Variants in SRRM4 observed in about 807,000 individuals in gnomAD.
SRRM4 encodes the protein serine/arginine repetitive matrix protein 4.
SRRM4 carries 33 observed loss-of-function variants against 68.9 expected under a neutral mutation model. The observed-to-expected ratio is 0.48, with a 90% CI of 0.36 to 0.64. The LOEUF is 0.64. Ranked by LOEUF, SRRM4 falls within the 30% of genes least tolerant of loss-of-function variation. SRRM4 has a pLI of 0.00. For synonymous variants in SRRM4, 318 were observed against 318.8 expected, an observed-to-expected ratio of 1.00 and a Z score of 0.03; for missense variants, 817 against 827.1, an observed-to-expected ratio of 0.99 and a Z score of 0.15.
intron 9 of SRRM4, among the ~76,000 whole-genome samples, chr12:119,150,279 C>G (rs1441401012): frequency 2.0e-5 from 3 of 152,140 alleles, no homozygotes; most frequent in African/African-American, 7.2e-5. Flanking sequence ...TGAGACCAGT[C>G]TGGCCAACAT....
chr12:119,130,941 C>G, intron 8 of SRRM4, 107 bp downstream of exon 8: 1 of 1,154,362 alleles, frequency 8.7e-7, no homozygotes, highest in Non-Finnish European at 1.2e-6. Context: ...CAATTTCTGA[C>G]AAAATATCCC....
chr12:118,986,160 G>C (rs1953280806), intron 1 of SRRM4, among the ~76,000 whole-genome samples: 1 of 152,160 alleles, frequency 6.6e-6, no homozygotes, highest in African/African-American at 2.4e-5. Flanking sequence ...TCGGTGCCAA[G>C]AGATCAGTTA....
chr12:119,015,660 C>T (rs1036722246), intron 1 of SRRM4, among the ~76,000 whole-genome samples: 43 of 151,988 alleles, frequency 2.8e-4, no homozygotes, highest in African/African-American at 1.0e-3. Flanking sequence ...TGTATAGATG[C>T]ATCATTTATT....
At chr12:119,089,588 C>A (rs1046356316) in intron 1 of SRRM4, among the ~76,000 whole-genome samples, 1 of 152,238 alleles carries the variant, frequency 6.6e-6, no homozygotes, top group Admixed American at 6.5e-5. Context: ...ATGGAGCCTA[C>A]GGAATAAGCC....
chr12:119,072,134 A>G (rs1487370181), intron 1 of SRRM4, among the ~76,000 whole-genome samples: 9 of 152,232 alleles, frequency 5.9e-5, no homozygotes, highest in African/African-American at 2.2e-4. Flanking sequence ...ACAAAAGGAG[A>G]TAATGCCTTT....
chr12:119,076,733 A>G (rs71452684), intron 1 of SRRM4, among the ~76,000 whole-genome samples: 3,732 of 152,296 alleles, frequency 0.025, 58 homozygotes, highest in Non-Finnish European at 0.037. Context: ...GATTCAGAGG[A>G]ACCGCTCTCA....
At chr12:119,069,972 C>T (rs927674308) in intron 1 of SRRM4, among the ~76,000 whole-genome samples, 4 of 152,118 alleles carry the variant, frequency 2.6e-5, no homozygotes, top group Admixed American at 1.3e-4. Flanking sequence ...TGGAGACTAA[C>T]GTGAGTTGTG....
At chr12:119,030,158 T>G (rs1434747630) in intron 1 of SRRM4, among the ~76,000 whole-genome samples, 2 of 152,174 alleles carry the variant, frequency 1.3e-5, no homozygotes, top group African/African-American at 4.8e-5. Context: ...TCAGCACACA[T>G]GTTTTCCTCA....
intron 1 of SRRM4, among the ~76,000 whole-genome samples, chr12:118,986,414 T>C (rs777882824): frequency 6.6e-6 from 1 of 152,192 alleles, no homozygotes; most frequent in Non-Finnish European, 1.5e-5. Flanking sequence ...ATTTCTGACA[T>C]TCTGCTGTGT....
chr12:119,095,517 A>C (rs1182278883), intron 1 of SRRM4, among the ~76,000 whole-genome samples: 1 of 152,134 alleles, frequency 6.6e-6, no homozygotes, highest in Non-Finnish European at 1.5e-5. Flanking sequence ...CTGCTGCTGC[A>C]CACCCCACAG....
At chr12:119,030,747 A>G (rs1420513447) in intron 1 of SRRM4, among the ~76,000 whole-genome samples, 1 of 152,200 alleles carries the variant, frequency 6.6e-6, no homozygotes, top group Non-Finnish European at 1.5e-5. Context: ...TTTCATAAAT[A>G]CTATTTTCAT....
chr12:119,084,615 C>G (rs1250384242), intron 1 of SRRM4, among the ~76,000 whole-genome samples: 1 of 152,122 alleles, frequency 6.6e-6, no homozygotes, highest in East Asian at 1.9e-4. Context: ...TCTCATTCAA[C>G]CAATGTTTAC....
chr12:119,057,923 C>T (rs1198478494), intron 1 of SRRM4, among the ~76,000 whole-genome samples: 1 of 152,114 alleles, frequency 6.6e-6, no homozygotes, highest in Non-Finnish European at 1.5e-5. Context: ...CAGCTGCTTT[C>T]AGAACAAAGG....
intron 2 of SRRM4, among the ~76,000 whole-genome samples, chr12:119,108,339 T>C (rs555242322): frequency 6.6e-6 from 1 of 152,312 alleles, no homozygotes; most frequent in South Asian, 2.1e-4. Context: ...GTCTGCTTGG[T>C]GCAGAGCTGA....
chr12:119,088,459 A>G (rs905315252), intron 1 of SRRM4, among the ~76,000 whole-genome samples: 3 of 152,222 alleles, frequency 2.0e-5, no homozygotes, highest in Non-Finnish European at 4.4e-5. Flanking sequence ...AATTGCAATG[A>G]TAATTATAAT....
In SRRM4 at chr12:119,160,777, A is replaced by G. The variant is rs1243855832; in HGVS notation, c.*3979A>G. The G allele has an allele frequency of 6.6e-6, 1 of 152,256 alleles. No homozygotes were observed. Among genetic ancestry groups the G allele is most frequent in the Non-Finnish European group, 1.5e-5 (1 of 68,052 alleles). The allele number at this position is 152,256 out of a possible 1,614,324, so 9.4% of individuals were successfully genotyped here. ...TCACTGAGACTCAGAGGGAAAAGGA[A>G]AAGAGCCTCAAACATTTTTAGGAGG... On this transcript the variant is annotated 3_prime_UTR_variant, in exon 13 of 13. Coordinates refer to ENST00000267260, the MANE Select transcript of SRRM4 (RefSeq NM_194286.4).
chr12:119,029,790 C>T (rs927721806), intron 1 of SRRM4, among the ~76,000 whole-genome samples: 1 of 152,176 alleles, frequency 6.6e-6, no homozygotes, highest in Non-Finnish European at 1.5e-5. Flanking sequence ...ACACAGATCC[C>T]CTTCTCCTCC....
At chr12:119,016,050 A>T (rs1388311072) in intron 1 of SRRM4, among the ~76,000 whole-genome samples, 1 of 152,124 alleles carries the variant, frequency 6.6e-6, no homozygotes, top group Non-Finnish European at 1.5e-5. Flanking sequence ...ATCCAATACA[A>T]CTGGTATCCT....
intron 1 of SRRM4, among the ~76,000 whole-genome samples, chr12:119,096,437 T>A (rs1954045183): frequency 6.6e-6 from 1 of 152,174 alleles, no homozygotes; most frequent in South Asian, 2.1e-4. Context: ...TAATGCTGGC[T>A]CATGGGTTTC....
Sources: allele counts gnomAD v4.1 joint callset (sites outside exome capture counted in the v4.1 genomes callset), GRCh38; gene constraint gnomAD v4.1.1; transcripts MANE v1.5; gene names NCBI Gene and HGNC (gene_info 2026-07-23, HGNC 2026-07-21).